KCNQ3: variants seen among roughly 807,000 people sequenced by gnomAD.
KCNQ3 encodes potassium voltage-gated channel subfamily KQT member 3.
In KCNQ3, 30 loss-of-function variants were observed where a neutral mutation model predicts 92.5. That is an observed-to-expected ratio of 0.32 (90% confidence interval 0.24 to 0.44). The LOEUF (loss-of-function observed/expected upper bound fraction) is 0.44. Ranked by LOEUF, KCNQ3 falls within the 20% of genes least tolerant of loss-of-function variation. The pLI is 1.00. For missense variants in KCNQ3, 913 were observed against 1,140.3 expected (o/e 0.80, Z 2.87); for synonymous variants, 450 against 468.8 (o/e 0.96, Z 0.52).
chr8:132,317,114 C>T (rs1011720708), intron 1 of KCNQ3, among the ~76,000 whole-genome samples: 1 of 152,124 alleles, frequency 6.6e-6, no homozygotes, highest in Non-Finnish European at 1.5e-5. Flanking sequence ...TCATGCCCTA[C>T]CAAAGCAATT....
chr8:132,180,184 C>T lies in KCNQ3; in HGVS notation c.750G>A (p.Leu250=). Residue 250 remains leucine, a synonymous_variant, in exon 4 of 15, where the codon CTG becomes CTA. Coordinates refer to ENST00000388996, the MANE Select transcript of KCNQ3 (RefSeq NM_004519.4). ...MDRRGGTWKL[L]GSAICAHSKE... is the part of the protein sequence containing the mutation. ...TGCTGTGGGCACAGATGGCTGAGCC[C>T]AGAAGCTTCCAGGTGCCACCTCTCC... The T allele has an allele frequency of 1.2e-6, 2 of 1,614,164 alleles. No homozygotes were observed. Among genetic ancestry groups the T allele is most frequent in the East Asian group, 2.2e-5 (1 of 44,878 alleles).
intron 1 of KCNQ3, among the ~76,000 whole-genome samples, chr8:132,454,077 C>T (rs1361942762): frequency 6.6e-6 from 1 of 152,238 alleles, no homozygotes; most frequent in Non-Finnish European, 1.5e-5. Flanking sequence ...TCACGCGTGG[C>T]TCTTACTTGC....
At chr8:132,133,170 T>C (rs1233769008) in intron 13 of KCNQ3, among the ~76,000 whole-genome samples, 1 of 152,096 alleles carries the variant, frequency 6.6e-6, no homozygotes, top group African/African-American at 2.4e-5. Context: ...AGGATCTGCA[T>C]CCCTAAAAGA....
chr8:132,363,259 T>C (rs922739649), intron 1 of KCNQ3, among the ~76,000 whole-genome samples: 4 of 152,174 alleles, frequency 2.6e-5, no homozygotes, highest in Non-Finnish European at 5.9e-5. Context: ...AAAGGCGTCA[T>C]TTGGAAAATG....
At chr8:132,182,528 G>C (rs967020040) in intron 3 of KCNQ3, among the ~76,000 whole-genome samples, 1 of 152,362 alleles carries the variant, frequency 6.6e-6, no homozygotes, top group African/African-American at 2.4e-5. Flanking sequence ...CTGGAGCTCT[G>C]TGACCGCAGC....
At chr8:132,219,083 G>A (rs192776898) in intron 1 of KCNQ3, among the ~76,000 whole-genome samples, 1 of 152,332 alleles carries the variant, frequency 6.6e-6, no homozygotes, top group Non-Finnish European at 1.5e-5. Context: ...AAAGGAAAGT[G>A]ATTTGGCTAA....
At chr8:132,354,823 G>A (rs1818973215) in intron 1 of KCNQ3, among the ~76,000 whole-genome samples, 1 of 152,208 alleles carries the variant, frequency 6.6e-6, no homozygotes, top group Non-Finnish European at 1.5e-5. Context: ...TGGGCTTGTG[G>A]AGTCAGTGGG....
chr8:132,372,279 C>T (rs578230055), intron 1 of KCNQ3, among the ~76,000 whole-genome samples: 38 of 152,308 alleles, frequency 2.5e-4, no homozygotes, highest in African/African-American at 8.9e-4. Flanking sequence ...TCCAAGGCTG[C>T]AGCTTCATGG....
chr8:132,351,679 G>A (rs1299334928), intron 1 of KCNQ3, among the ~76,000 whole-genome samples: 1 of 152,188 alleles, frequency 6.6e-6, no homozygotes, highest in African/African-American at 2.4e-5. Context: ...CCCTTCCCGT[G>A]GGTGGCACTG....
intron 1 of KCNQ3, among the ~76,000 whole-genome samples, chr8:132,376,894 C>T (rs968544439): frequency 2.0e-5 from 3 of 152,150 alleles, no homozygotes; most frequent in Non-Finnish European, 2.9e-5. Flanking sequence ...CACCATGCAA[C>T]TGCCATCCAC....
chr8:132,472,629 T>G (rs1587053473), intron 1 of KCNQ3, among the ~76,000 whole-genome samples: 1 of 151,978 alleles, frequency 6.6e-6, no homozygotes. Context: ...GGAGTAGGGG[T>G]ATAAAGAGAG....
chr8:132,468,592 C>T (rs1351925771), intron 1 of KCNQ3, among the ~76,000 whole-genome samples: 6 of 152,224 alleles, frequency 3.9e-5, no homozygotes, highest in African/African-American at 1.2e-4. Flanking sequence ...TGACATTGAA[C>T]AGATGGCAGT....
intron 1 of KCNQ3, among the ~76,000 whole-genome samples, chr8:132,443,104 A>G (rs1821580044): frequency 6.6e-6 from 1 of 152,190 alleles, no homozygotes; most frequent in Admixed American, 6.5e-5. Flanking sequence ...AATTGGAGCT[A>G]TTGCTAAGGC....
intron 1 of KCNQ3, among the ~76,000 whole-genome samples, chr8:132,423,935 C>A (rs1330876771): frequency 1.3e-5 from 2 of 152,048 alleles, no homozygotes; most frequent in African/African-American, 4.8e-5. Context: ...CTGAGCACAA[C>A]CAAAACTAGG....
At chr8:132,174,199 G>A in intron 6 of KCNQ3, 40 bp downstream of exon 6, 1 of 1,412,274 alleles carries the variant, frequency 7.1e-7, no homozygotes, top group African/African-American at 1.4e-5. Flanking sequence ...AAGGGGTCCT[G>A]CACGTCACAT....
At chr8:132,285,239 G>C (rs1171329755) in intron 1 of KCNQ3, among the ~76,000 whole-genome samples, 2 of 152,196 alleles carry the variant, frequency 1.3e-5, no homozygotes, top group Non-Finnish European at 2.9e-5. Context: ...TATTAAGGGT[G>C]ATTCTGGTGA....
intron 1 of KCNQ3, among the ~76,000 whole-genome samples, chr8:132,308,603 C>T (rs1563852338): frequency 6.6e-6 from 1 of 152,158 alleles, no homozygotes; most frequent in African/African-American, 2.4e-5. Context: ...TCAATGGCTG[C>T]ATGCGTTTGT....
chr8:132,128,187 C>G lies in KCNQ3; in HGVS notation c.*1075G>C, dbSNP rs1292190290. 1 of 152,096 alleles carries G rather than the reference C, an allele frequency of 6.6e-6. No homozygotes were observed. Among genetic ancestry groups the G allele is most frequent in the East Asian group, 1.9e-4 (1 of 5,198 alleles). 9.4% of individuals were successfully genotyped at this position (152,096 alleles called of 1,614,324 possible). A position where few individuals can be genotyped will look rare whatever the true frequency, so the allele number is the denominator to read the frequency against. ...ATGGTGTGGTGAGGGGAAACAAGGT[C>G]AGGGAGAGTGGGCAGACCTGACTTT... is the stretch of plus-strand genomic sequence containing the variant. On this transcript the variant is annotated 3_prime_UTR_variant, in exon 15 of 15. Transcript: ENST00000388996.
At chr8:132,281,791 C>T (rs1030689244) in intron 1 of KCNQ3, among the ~76,000 whole-genome samples, 5 of 152,180 alleles carry the variant, frequency 3.3e-5, no homozygotes, top group Non-Finnish European at 5.9e-5. Context: ...TGCTCAAAAC[C>T]CTGCAGTGGC....
Sources: allele counts gnomAD v4.1 joint callset (sites outside exome capture counted in the v4.1 genomes callset), GRCh38; gene constraint gnomAD v4.1.1; transcripts MANE v1.5; gene names NCBI Gene and HGNC (gene_info 2026-07-23, HGNC 2026-07-21).